Variants in PTCHD4 observed in about 807,000 individuals in gnomAD.
PTCHD4 encodes patched domain containing 4.
A neutral mutation model predicts 58.1 loss-of-function variants in PTCHD4; 33 were observed. The ratio of observed to expected loss-of-function variants is 0.57; its 90% CI spans 0.43 to 0.76. The LOEUF (loss-of-function observed/expected upper bound fraction) is 0.76, where lower values mean the gene tolerates loss of function less well. Ranked by LOEUF, PTCHD4 falls within the 30% of genes least tolerant of loss-of-function variation. PTCHD4 has a pLI of 0.00. For missense variants in PTCHD4, 1,058 were observed against 1,027.1 expected (o/e 1.03, Z -0.41); for synonymous variants, 478 against 409.6 (o/e 1.17, Z -2.02).
chr6:47,922,068 T>A (rs1014738191), intron 4 of PTCHD4, among the ~76,000 whole-genome samples: 1 of 151,534 alleles, frequency 6.6e-6, no homozygotes, highest in Non-Finnish European at 1.5e-5. Flanking sequence ...AGCCCAGGAG[T>A]TTGAGGCTGC....
At position 48,068,373 on chromosome 6, in the gene PTCHD4, C is replaced by G; in HGVS notation, c.274G>C (p.Asp92His). The G allele has an allele frequency of 6.2e-7, 1 of 1,613,902 alleles. No individual in the cohort carries two copies. Among genetic ancestry groups the G allele is most frequent in the Non-Finnish European group, 8.5e-7 (1 of 1,179,872 alleles). Residue 92 changes from aspartate to histidine, a missense_variant, in exon 3 of 5, where the codon GAC becomes CAC. By Grantham distance (81) the Asp-to-His change is moderately conservative. Coordinates refer to ENST00000339488, the MANE Select transcript of PTCHD4 (RefSeq NM_001384253.1). The surrounding 1 kb of genome is among the most constrained non-coding windows in gnomAD (Gnocchi z 4.2). ...RSLASSLFPL[D>H]QSKSQLYSDL... ...GAATAGAGCTGGCTTTTGGACTGGT[C>G]CAGGGGGAAAAGGCTGCTGGCCAGG...
chr6:48,084,723 TTTTC>T (rs1196597919), intron 1 of PTCHD4, among the ~76,000 whole-genome samples: 10 of 151,800 alleles, frequency 6.6e-5, no homozygotes, highest in Non-Finnish European at 8.8e-5. Flanking sequence ...ACTTTTCTTT[TTTTC>T]TTTCTTTCTT....
At chr6:47,955,632 A>T (rs868107260) in intron 4 of PTCHD4, among the ~76,000 whole-genome samples, 1 of 152,174 alleles carries the variant, frequency 6.6e-6, no homozygotes, top group African/African-American at 2.4e-5. Flanking sequence ...AAAATCAGAC[A>T]TTTTTTTAAT....
intron 4 of PTCHD4, among the ~76,000 whole-genome samples, chr6:47,976,407 C>T (rs1767691120): frequency 6.6e-6 from 1 of 152,078 alleles, no homozygotes; most frequent in Admixed American, 6.6e-5. Context: ...GTAATCCCAG[C>T]ACTTTGGGAG....
intron 1 of PTCHD4, among the ~76,000 whole-genome samples, 63 bp from the exon 2 acceptor site, chr6:48,069,989 T>C (rs2113882932): frequency 6.6e-6 from 1 of 151,960 alleles, no homozygotes; most frequent in African/African-American, 2.4e-5. Flanking sequence ...TAAAAAACAG[T>C]GAACCTCCTT....
intron 1 of PTCHD4, among the ~76,000 whole-genome samples, chr6:48,085,038 C>T (rs1455530599): frequency 6.6e-6 from 1 of 150,642 alleles, no homozygotes; most frequent in Admixed American, 6.6e-5. Flanking sequence ...GCCACCCAAC[C>T]AGCAAGAGTA....
intron 4 of PTCHD4, among the ~76,000 whole-genome samples, chr6:47,930,065 C>T (rs1765758752): frequency 6.6e-6 from 1 of 152,008 alleles, no homozygotes; most frequent in Non-Finnish European, 1.5e-5. Context: ...ACTTTCATGC[C>T]CTTTGGTTAA....
At chr6:48,090,758 A>G (rs1368807457) in intron 1 of PTCHD4, among the ~76,000 whole-genome samples, 2 of 152,204 alleles carry the variant, frequency 1.3e-5, no homozygotes, top group East Asian at 3.9e-4. Context: ...TGTTCAAATC[A>G]TTAAAAGAAG....
intron 4 of PTCHD4, among the ~76,000 whole-genome samples, chr6:47,964,774 A>G (rs1457284650): frequency 1.3e-5 from 2 of 152,190 alleles, no homozygotes; most frequent in Admixed American, 6.5e-5. Flanking sequence ...CATTCTGTTT[A>G]ACAGTGTATT....
chr6:48,026,119 T>C (rs1763236439), intron 3 of PTCHD4, among the ~76,000 whole-genome samples: 1 of 152,176 alleles, frequency 6.6e-6, no homozygotes. Context: ...TGATGAGATA[T>C]GTGTGTTAGA....
Position 47,857,839 on chromosome 6 carries a change from C to CT in PTCHD4, c.*20463dup, listed in dbSNP as rs1432437784. On this transcript the variant is annotated 3_prime_UTR_variant, in exon 5 of 5. Transcript: ENST00000339488. ...TAAACATTCTTTTTACAAGCTGGTA[C>CT]TTTAACATCTACCTCCCAAAGTTAA... Among the ~76,000 whole-genome samples, 1 of 151,878 alleles carries CT rather than the reference C, an allele frequency of 6.6e-6. No individual in the cohort carries two copies. Among genetic ancestry groups the CT allele is most frequent in the Admixed American group, 6.6e-5 (1 of 15,210 alleles).
intron 3 of PTCHD4, among the ~76,000 whole-genome samples, chr6:48,051,602 AC>A (rs1403103172): frequency 6.6e-6 from 1 of 151,888 alleles, no homozygotes; most frequent in Non-Finnish European, 1.5e-5. Flanking sequence ...CTTGGTCCAT[AC>A]CCATAAAATT....
At chr6:47,950,016 G>A (rs1157885634) in intron 4 of PTCHD4, among the ~76,000 whole-genome samples, 2 of 151,306 alleles carry the variant, frequency 1.3e-5, no homozygotes, top group Non-Finnish European at 2.9e-5. Context: ...ATCTCCTAAT[G>A]CTATCTCTTC....
At chr6:47,911,111 C>T (rs541117521) in intron 4 of PTCHD4, among the ~76,000 whole-genome samples, 2 of 152,202 alleles carry the variant, frequency 1.3e-5, no homozygotes, top group East Asian at 3.9e-4. Flanking sequence ...CAGTTTTTCC[C>T]CTGGAAAATA....
At chr6:47,969,222 G>C (rs978470901) in intron 4 of PTCHD4, among the ~76,000 whole-genome samples, 2 of 152,152 alleles carry the variant, frequency 1.3e-5, no homozygotes, top group African/African-American at 4.8e-5. Context: ...GATTTCAGCA[G>C]TACATTAGGA....
rs569288744 is a variant in PTCHD4 at position 47,932,125 on chromosome 6, T to C, written c.899-52189A>G. Among the ~76,000 whole-genome samples the C allele has an allele frequency of 4.3e-4, 66 of 152,332 alleles. No homozygotes were observed. In the South Asian group the frequency reaches 0.013, roughly 30 times the overall value. Reference sequence around the variant, plus strand: ...CCTGCTTAGCTTGCATTCTCTGCTCTCCACTGAAGAATCCCCAGGGTGTGG... The same window carrying C: ...CCTGCTTAGCTTGCATTCTCTGCTCCCCACTGAAGAATCCCCAGGGTGTGG... On this transcript the variant is annotated intron_variant, in intron 4 of 4. Coordinates refer to ENST00000339488, the MANE Select transcript of PTCHD4 (RefSeq NM_001384253.1).
chr6:47,897,946 T>C (rs1277850251), intron 4 of PTCHD4, among the ~76,000 whole-genome samples: 25 of 138,442 alleles, frequency 1.8e-4, no homozygotes, highest in Middle Eastern at 3.5e-3. Context: ...CTTTCTTTTT[T>C]TTTTTTTTTT....
intron 1 of PTCHD4, among the ~76,000 whole-genome samples, chr6:48,090,331 C>T (rs1765339711): frequency 3.3e-5 from 5 of 152,106 alleles, no homozygotes; most frequent in African/African-American, 9.7e-5. Flanking sequence ...CTGGAGGGAA[C>T]GTCATTCTCA....
chr6:47,921,667 A>G (rs1362659502), intron 4 of PTCHD4, among the ~76,000 whole-genome samples: 11 of 152,126 alleles, frequency 7.2e-5, no homozygotes, highest in Non-Finnish European at 1.5e-5. Context: ...CGATGACTGC[A>G]TCTCCTTCTT....
Sources: allele counts gnomAD v4.1 joint callset (sites outside exome capture counted in the v4.1 genomes callset), GRCh38; gene constraint gnomAD v4.1.1; non-coding constraint Gnocchi (gnomAD v3.1); transcripts MANE v1.5; gene names NCBI Gene and HGNC (gene_info 2026-07-23, HGNC 2026-07-21).